The following CREB3L1 variants were observed in gnomAD, a reference collection of about 807,000 sequenced individuals.
CREB3L1 encodes cyclic AMP-responsive element-binding protein 3-like protein 1.
In CREB3L1, 33 loss-of-function variants were observed where a neutral mutation model predicts 54.5. The observed-to-expected ratio is 0.61, with a 90% CI of 0.46 to 0.81. The LOEUF is 0.81. Among genes scored for constraint, CREB3L1 ranks in the 30% least tolerant of loss-of-function variants. CREB3L1 has a pLI of 0.00. For synonymous variants in CREB3L1, 284 were observed against 286.4 expected (o/e 0.99, Z 0.08); for missense variants, 656 against 673.3 (o/e 0.97, Z 0.29).
intron 2 of CREB3L1, among the ~76,000 whole-genome samples, chr11:46,303,180 G>C (rs535537757): frequency 6.6e-6 from 1 of 152,242 alleles, no homozygotes; most frequent in Non-Finnish European, 1.5e-5. Flanking sequence ...GTGCATCCCC[G>C]TGTCTCCACC....
chr11:46,309,864 T>TC, intron 3 of CREB3L1, 125 bp from the exon 4 acceptor site: 2 of 721,640 alleles, frequency 2.8e-6, no homozygotes, highest in Non-Finnish European at 4.7e-6. Context: ...TGCCCAGAAC[T>TC]CCAAGCCCAG....
chr11:46,319,580 A>G (rs73464031), intron 10 of CREB3L1, among the ~76,000 whole-genome samples: 5,533 of 152,208 alleles, frequency 0.036, 342 homozygotes, highest in African/African-American at 0.13. Context: ...GTCTCACAGA[A>G]AGTAAGTGGT....
intron 1 of CREB3L1, among the ~76,000 whole-genome samples, chr11:46,289,617 T>C (rs1435185541): frequency 6.6e-6 from 1 of 151,952 alleles, no homozygotes. Context: ...TAGGAAGAGT[T>C]AGAATGAGGA....
Position 46,291,897 on chromosome 11 carries a change from G to A in CREB3L1, c.103-8038G>A, listed in dbSNP as rs989430974. On this transcript the variant is annotated intron_variant, in intron 1 of 11. Transcript: ENST00000621158. Reference sequence around the variant, plus strand: ...TAAAACCTGAGGACAACTCAGGCCAGGACCGCTGAGGATGTCAGAGGCTGA... The same window carrying A: ...TAAAACCTGAGGACAACTCAGGCCAAGACCGCTGAGGATGTCAGAGGCTGA... Among the ~76,000 whole-genome samples the A allele has an allele frequency of 2.0e-5, 3 of 152,214 alleles. No homozygotes were observed. In the South Asian group the frequency reaches 6.2e-4, roughly 32 times the overall value.
At chr11:46,317,813 A>C (rs1939589432) in intron 10 of CREB3L1, among the ~76,000 whole-genome samples, 1 of 152,184 alleles carries the variant, frequency 6.6e-6, no homozygotes, top group Non-Finnish European at 1.5e-5. Flanking sequence ...GCCAGTGCTT[A>C]TGGGGCATCT....
Position 46,278,190 on chromosome 11 carries a change from G to C in CREB3L1, c.79G>C (p.Glu27Gln), listed in dbSNP as rs1807438105. Residue 27 changes from glutamate (E) to glutamine (Q), a missense_variant, in exon 1 of 12, where the codon GAG becomes CAG. Physicochemically the swap from Glu to Gln is conservative, Grantham distance 29. Transcript: ENST00000621158. The surrounding 1 kb of genome is among the most constrained non-coding windows in gnomAD (Gnocchi z 4.2). Reference protein sequence around the residue: ...SSFLDLGDLNESDFLNNAHFP... With the variant: ...SSFLDLGDLNQSDFLNNAHFP... ...CTTCCTGGACTTGGGGGATCTGAAC[G>C]AGTCGGACTTCCTCAACAATGCGGT... is the stretch of plus-strand genomic sequence containing the variant. 10 of 1,573,506 alleles carry C rather than the reference G, an allele frequency of 6.4e-6. No homozygotes were observed. The highest frequency in any genetic ancestry group is 1.4e-5 in the African/African-American group (1 of 73,858).
At position 46,312,893 on chromosome 11, in the gene CREB3L1, G is replaced by T; in HGVS notation, c.1005G>T (p.Lys335Asn). The change falls in exon 8 of 12, where the codon AAG becomes AAT. Residue 335 changes from lysine to asparagine, a missense_variant. Coordinates refer to ENST00000621158, the MANE Select transcript of CREB3L1 (RefSeq NM_052854.4). ...FTSENNELWK[K>N]VETLENANRT... ...CTGAGAACAATGAACTGTGGAAGAA[G>T]GTGGAGACCCTGGAGAATGCCAACA... 6.3e-7 allele frequency: 1 copy of T among 1,591,530 alleles called. No homozygotes were observed.
chr11:46,300,641 G>A (rs930084961), intron 2 of CREB3L1, among the ~76,000 whole-genome samples: 1 of 152,168 alleles, frequency 6.6e-6, no homozygotes, highest in Non-Finnish European at 1.5e-5. Flanking sequence ...GGCCGAGGCA[G>A]GTGGATCACC....
chr11:46,293,331 G>A (rs903731362), intron 1 of CREB3L1, among the ~76,000 whole-genome samples: 13 of 152,194 alleles, frequency 8.5e-5, no homozygotes, highest in African/African-American at 1.7e-4. Flanking sequence ...CGCTGCCATC[G>A]CTTCCTCCTG....
intron 2 of CREB3L1, among the ~76,000 whole-genome samples, chr11:46,301,170 A>C (rs958037537): frequency 1.4e-5 from 2 of 142,392 alleles, no homozygotes; most frequent in African/African-American, 2.6e-5. Context: ...ACTCCGTCTC[A>C]AAAAAAAAAA....
chr11:46,288,541 G>T (rs1023109461), intron 1 of CREB3L1, among the ~76,000 whole-genome samples: 4 of 152,290 alleles, frequency 2.6e-5, no homozygotes, highest in Admixed American at 2.6e-4. Flanking sequence ...CTGATCACGG[G>T]GATTTTATTT....
chr11:46,316,554 C>G (rs995394117), intron 9 of CREB3L1, among the ~76,000 whole-genome samples, 169 bp downstream of exon 9: 1 of 152,200 alleles, frequency 6.6e-6, no homozygotes, highest in African/African-American at 2.4e-5. Flanking sequence ...CAGACTCCTT[C>G]TCCAAGCCCA....
intron 2 of CREB3L1, among the ~76,000 whole-genome samples, chr11:46,307,496 G>A (rs1208995335): frequency 1.3e-5 from 2 of 152,170 alleles, no homozygotes; most frequent in Non-Finnish European, 2.9e-5. Flanking sequence ...GGTACGTCCT[G>A]TTCCTTTCCC....
chr11:46,279,897 A>C (rs542770471), intron 1 of CREB3L1, among the ~76,000 whole-genome samples: 1 of 152,292 alleles, frequency 6.6e-6, no homozygotes, highest in African/African-American at 2.4e-5. Flanking sequence ...TCAGCCCTGC[A>C]TCCCCAGCTG....
intron 8 of CREB3L1, 41 bp from the exon 9 acceptor site, chr11:46,316,245 C>T (rs534483951): frequency 1.7e-5 from 23 of 1,315,074 alleles, no homozygotes; most frequent in South Asian, 2.5e-5. Flanking sequence ...GAGATGCCTG[C>T]GGGGTCAAAG....
At chr11:46,308,217 G>A (rs576381197) in intron 3 of CREB3L1, among the ~76,000 whole-genome samples, 1 of 152,120 alleles carries the variant, frequency 6.6e-6, no homozygotes, top group Non-Finnish European at 1.5e-5. Flanking sequence ...CAGCCCCCTT[G>A]GAGTAACTGA....
At chr11:46,298,016 A>G (rs762266714) in intron 1 of CREB3L1, among the ~76,000 whole-genome samples, 4 of 152,266 alleles carry the variant, frequency 2.6e-5, no homozygotes, top group Non-Finnish European at 5.9e-5. Context: ...ACTATGAGGT[A>G]GGAACTATTA....
intron 3 of CREB3L1, 64 bp from the exon 4 acceptor site, chr11:46,309,925 G>A: frequency 7.5e-7 from 1 of 1,335,516 alleles, no homozygotes. Flanking sequence ...GAGGAGGTGG[G>A]TAGATGGCAT....
rs369484557 is a variant in CREB3L1 at position 46,299,219 on chromosome 11, G to A, written c.103-716G>A. ...AATTGATTTCACAACCCATTAATGA[G>A]TCACCACCCACAGTTTAAACAGCAC... On this transcript the variant is annotated intron_variant, in intron 1 of 11. Coordinates refer to ENST00000621158, the MANE Select transcript of CREB3L1 (RefSeq NM_052854.4). Among the ~76,000 whole-genome samples the A allele has an allele frequency of 4.0e-5, 6 of 151,854 alleles. No individual in the cohort carries two copies. In the South Asian group the frequency reaches 1.2e-3, roughly 32 times the overall value.
Sources: allele counts gnomAD v4.1 joint callset (sites outside exome capture counted in the v4.1 genomes callset), GRCh38; gene constraint gnomAD v4.1.1; non-coding constraint Gnocchi (gnomAD v3.1); transcripts MANE v1.5; gene names NCBI Gene and HGNC (gene_info 2026-07-23, HGNC 2026-07-21).